The following FBXL17 variants were observed in gnomAD, a reference collection of about 807,000 sequenced individuals.
FBXL17 encodes the protein F-box/LRR-repeat protein 17.
FBXL17 carries 22 observed loss-of-function variants against 66.2 expected under a neutral mutation model. The observed-to-expected ratio is 0.33, with a 90% confidence interval of 0.24 to 0.47. The LOEUF (loss-of-function observed/expected upper bound fraction) is 0.47. Among genes scored for constraint, FBXL17 ranks in the 20% least tolerant of loss-of-function variants. The probability of loss-of-function intolerance (pLI) is 1.00; values close to 1 mark genes in which losing one functional copy is unlikely to be tolerated. For missense variants in FBXL17, 878 were observed against 948.2 expected (o/e 0.93, Z 0.97); for synonymous variants, 474 against 400.5 (o/e 1.18, Z -2.19).
At chr5:108,075,588 G>C (rs1177259358) in intron 6 of FBXL17, among the ~76,000 whole-genome samples, 4 of 152,086 alleles carry the variant, frequency 2.6e-5, no homozygotes, top group Admixed American at 6.5e-5. Flanking sequence ...CAATTCTCCT[G>C]TCTCAGCCTC....
chr5:108,143,933 A>T lies in FBXL17; in HGVS notation c.1745+42184T>A, dbSNP rs551149923. On this transcript the variant is annotated intron_variant, in intron 6 of 8. Coordinates refer to ENST00000542267, the MANE Select transcript of FBXL17 (RefSeq NM_001163315.3). ...ATTTTGATTTAAAAAACAAAACAAA[A>T]CTCAAAAAACTTAACCTAATGGAAA... Among the ~76,000 whole-genome samples the T allele has an allele frequency of 2.6e-4, 40 of 152,136 alleles. No individual in the cohort carries two copies. The South Asian group carries it at 8.1e-3, about 31-fold the overall frequency.
chr5:108,181,701 T>C (rs547599629), intron 6 of FBXL17, among the ~76,000 whole-genome samples: 1 of 152,276 alleles, frequency 6.6e-6, no homozygotes, highest in South Asian at 2.1e-4. Flanking sequence ...ACATTCAGGA[T>C]AAATCTTTGT....
At chr5:108,355,260 CTTTATTTATTTATTTATTTATTTATTTA>C (rs144119979) in intron 3 of FBXL17, among the ~76,000 whole-genome samples, 1 of 141,410 alleles carries the variant, frequency 7.1e-6, no homozygotes. Flanking sequence ...GGATGAAAAA[CTTTATTTATTTATTTATTTATTTATTTA>C]TTTATTTATT....
At chr5:108,363,467 C>A (rs1748472578) in intron 3 of FBXL17, among the ~76,000 whole-genome samples, 1 of 151,902 alleles carries the variant, frequency 6.6e-6, no homozygotes, top group African/African-American at 2.4e-5. Flanking sequence ...CTACTTTTAT[C>A]AGAATATTAC....
chr5:107,944,784 T>C (rs72795977), intron 7 of FBXL17, among the ~76,000 whole-genome samples: 5,352 of 152,166 alleles, frequency 0.035, 124 homozygotes, highest in Middle Eastern at 0.041. Flanking sequence ...TAAAAGACTA[T>C]TGGATTCAAG....
chr5:108,173,181 A>C (rs192190740), intron 6 of FBXL17, among the ~76,000 whole-genome samples: 1 of 152,306 alleles, frequency 6.6e-6, no homozygotes, highest in East Asian at 1.9e-4. Context: ...ACTACTAGAA[A>C]ACATGAAGTT....
In FBXL17 at chr5:107,878,582, G is replaced by A. The variant is rs529672887; in HGVS notation, c.1965+2455C>T. On this transcript the variant is annotated intron_variant, in intron 8 of 8. Coordinates refer to ENST00000542267, the MANE Select transcript of FBXL17 (RefSeq NM_001163315.3). ...ACTCTGGCTCTCCGCAGACCATACC[G>A]TTGCTACTAATTTCTTTTCTTTGTT... 21 of 980,922 alleles carry A rather than the reference G, an allele frequency of 2.1e-5. No individual in the cohort carries two copies. The East Asian group carries it at 3.4e-4, about 16-fold the overall frequency. The allele number at this position is 980,922 out of a possible 1,614,324, so 60.8% of individuals were successfully genotyped here.
In FBXL17 at chr5:108,324,183, T is replaced by C. The variant is rs577451059; in HGVS notation, c.1506+24216A>G. 2.0e-5 allele frequency among the ~76,000 whole-genome samples: 3 copies of C among 152,140 alleles called. No individual in the cohort carries two copies. In the East Asian group the frequency reaches 5.8e-4, roughly 29 times the overall value. On this transcript the variant is annotated intron_variant, in intron 4 of 8. Coordinates refer to ENST00000542267, the MANE Select transcript of FBXL17 (RefSeq NM_001163315.3). ...GGATAAAATATTTGCAAATCATTAT[T>C]TGATAAGGAGTTAATATCTGAAACA...
At chr5:107,995,872 T>C (rs1435575228) in intron 7 of FBXL17, among the ~76,000 whole-genome samples, 1 of 151,970 alleles carries the variant, frequency 6.6e-6, no homozygotes, top group African/African-American at 2.4e-5. Flanking sequence ...AATGGAAAAA[T>C]ACAGTCATGG....
intron 7 of FBXL17, among the ~76,000 whole-genome samples, chr5:107,977,378 A>C (rs987662099): frequency 6.6e-6 from 1 of 152,198 alleles, no homozygotes; most frequent in African/African-American, 2.4e-5. Context: ...GGAACTTTAC[A>C]TTTATTATTG....
intron 7 of FBXL17, among the ~76,000 whole-genome samples, chr5:108,013,823 T>A (rs1754274372): frequency 6.6e-6 from 1 of 152,142 alleles, no homozygotes; most frequent in Admixed American, 6.6e-5. Flanking sequence ...TCAGATATTA[T>A]CTCTGCTTGA....
intron 7 of FBXL17, among the ~76,000 whole-genome samples, chr5:107,924,699 G>A (rs1264198935): frequency 2.0e-5 from 3 of 152,120 alleles, no homozygotes; most frequent in Non-Finnish European, 2.9e-5. Context: ...GTGAGGATCT[G>A]CCCTAAGAAG....
chr5:108,321,874 T>G (rs1759635728), intron 4 of FBXL17, among the ~76,000 whole-genome samples: 1 of 151,850 alleles, frequency 6.6e-6, no homozygotes. Flanking sequence ...AGAAAAAGAT[T>G]AGCAACTCAG....
chr5:108,172,075 T>G (rs1362699475), intron 6 of FBXL17, among the ~76,000 whole-genome samples: 1 of 152,152 alleles, frequency 6.6e-6, no homozygotes, highest in Non-Finnish European at 1.5e-5. Flanking sequence ...TTACCCAGTC[T>G]CGGGTATGTC....
chr5:108,252,229 A>C (rs1756388416), intron 4 of FBXL17, among the ~76,000 whole-genome samples: 1 of 152,098 alleles, frequency 6.6e-6, no homozygotes, highest in Non-Finnish European at 1.5e-5. Context: ...TGTAACTATA[A>C]ACTAGTTTAT....
intron 6 of FBXL17, among the ~76,000 whole-genome samples, chr5:108,057,286 AAACTGT>A (rs1360420739): frequency 6.6e-6 from 1 of 152,208 alleles, no homozygotes; most frequent in Non-Finnish European, 1.5e-5. Flanking sequence ...AGCCAGAGCA[AAACTGT>A]AATACCAATA....
At chr5:108,209,597 T>C (rs544251672) in intron 5 of FBXL17, among the ~76,000 whole-genome samples, 1 of 152,378 alleles carries the variant, frequency 6.6e-6, no homozygotes, top group African/African-American at 2.4e-5. Flanking sequence ...GTTCTGTTTA[T>C]GTGATGAATT....
At chr5:108,053,131 G>A (rs1264606729) in intron 6 of FBXL17, among the ~76,000 whole-genome samples, 1 of 152,120 alleles carries the variant, frequency 6.6e-6, no homozygotes, top group African/African-American at 2.4e-5. Flanking sequence ...TCAGGACATA[G>A]GCAGTGGCAA....
At chr5:108,153,820 T>A (rs1234070262) in intron 6 of FBXL17, among the ~76,000 whole-genome samples, 1 of 152,202 alleles carries the variant, frequency 6.6e-6, no homozygotes, top group Non-Finnish European at 1.5e-5. Context: ...TGATTAATTA[T>A]TGTGCAAAAC....
Sources: allele counts gnomAD v4.1 joint callset (sites outside exome capture counted in the v4.1 genomes callset), GRCh38; gene constraint gnomAD v4.1.1; transcripts MANE v1.5; gene names NCBI Gene and HGNC (gene_info 2026-07-23, HGNC 2026-07-21).